Variants in SAMTOR observed in about 807,000 individuals in gnomAD.
SAMTOR encodes UPF0532 protein C7orf60.
At chr7:112,888,873 T>C in the SAMTOR span, among the ~76,000 whole-genome samples, 1 of 152,120 alleles carries the variant, frequency 6.6e-6, no homozygotes, top group Admixed American at 6.6e-5. Flanking sequence ...AAGTGGTATG[T>C]GAGGTATGTA....
At chr7:112,849,455 G>A in the SAMTOR span, among the ~76,000 whole-genome samples, 77 of 152,260 alleles carry the variant, frequency 5.1e-4, no homozygotes, top group African/African-American at 1.7e-3. Context: ...CATGAAATGA[G>A]GGGGTAGAAG....
the SAMTOR span, chr7:112,935,040 C>T: frequency 1.2e-5 from 3 of 243,024 alleles, no homozygotes; most frequent in South Asian, 9.2e-5. Flanking sequence ...TTCAAACTCT[C>T]CTAGTGCAAA....
chr7:112,856,058 C>T, the SAMTOR span, among the ~76,000 whole-genome samples: 8 of 151,872 alleles, frequency 5.3e-5, no homozygotes, highest in Admixed American at 4.6e-4. Flanking sequence ...TAATAAAAAC[C>T]CAGAACTTTA....
the SAMTOR span, among the ~76,000 whole-genome samples, chr7:112,830,218 C>A: frequency 6.6e-6 from 1 of 152,090 alleles, no homozygotes; most frequent in African/African-American, 2.4e-5. Flanking sequence ...TTTTCCATCT[C>A]TCAGAGATTA....
At chr7:112,917,848 G>T in the SAMTOR span, among the ~76,000 whole-genome samples, 1 of 152,146 alleles carries the variant, frequency 6.6e-6, no homozygotes, top group Non-Finnish European at 1.5e-5. Context: ...AAGGGTATCA[G>T]TGATGGAAGA....
chr7:112,921,288 C>T, the SAMTOR span, among the ~76,000 whole-genome samples: 4 of 151,992 alleles, frequency 2.6e-5, no homozygotes, highest in Admixed American at 6.6e-5. Context: ...TCAGAAATAA[C>T]GCCGCATATC....
the SAMTOR span, among the ~76,000 whole-genome samples, chr7:112,882,765 TTA>T: frequency 2.3e-4 from 10 of 43,720 alleles, no homozygotes; most frequent in South Asian, 2.7e-3. Flanking sequence ...ACATCTTTTT[TTA>T]AAAAAAAAAA....
chr7:112,939,562 C>G, the SAMTOR span: 3 of 1,613,692 alleles, frequency 1.9e-6, no homozygotes, highest in African/African-American at 1.3e-5. Flanking sequence ...GAGGCCTCCC[C>G]TTCCTCCCTC....
chr7:112,832,719 G>A, the SAMTOR span: 4 of 1,216,112 alleles, frequency 3.3e-6, no homozygotes, highest in East Asian at 4.7e-5. Flanking sequence ...ATATGAGAAT[G>A]TAAGAAATCA....
the SAMTOR span, among the ~76,000 whole-genome samples, chr7:112,877,089 A>G: frequency 6.6e-6 from 1 of 152,322 alleles, no homozygotes; most frequent in African/African-American, 2.4e-5. Flanking sequence ...GGTGCAAAAG[A>G]GGAAGAAACA....
the SAMTOR span, among the ~76,000 whole-genome samples, chr7:112,932,533 T>G: frequency 1.3e-5 from 2 of 152,214 alleles, no homozygotes; most frequent in Non-Finnish European, 2.9e-5. Flanking sequence ...ATTAGCTTCT[T>G]CTGTGCGTGT....
chr7:112,862,158 G>A, the SAMTOR span, among the ~76,000 whole-genome samples: 1 of 152,220 alleles, frequency 6.6e-6, no homozygotes, highest in Non-Finnish European at 1.5e-5. Flanking sequence ...GGGAGGCTGA[G>A]GCAGGAGAAT....
At chr7:112,839,101 T>C in the SAMTOR span, among the ~76,000 whole-genome samples, 1 of 151,874 alleles carries the variant, frequency 6.6e-6, no homozygotes, top group Non-Finnish European at 1.5e-5. Context: ...AAGTACATGG[T>C]TAAGCCTCGA....
the SAMTOR span, among the ~76,000 whole-genome samples, chr7:112,828,360 C>T: frequency 6.6e-6 from 1 of 152,240 alleles, no homozygotes; most frequent in South Asian, 2.1e-4. Flanking sequence ...TGCCTTGCCT[C>T]TAGTGGTTTG....
chr7:112,876,833 A>G, the SAMTOR span, among the ~76,000 whole-genome samples: 5 of 152,304 alleles, frequency 3.3e-5, no homozygotes, highest in Admixed American at 3.3e-4. Context: ...AATACAATGT[A>G]TTTATGTACT....
chr7:112,932,731 A>T, the SAMTOR span, among the ~76,000 whole-genome samples: 243 of 152,262 alleles, frequency 1.6e-3, 2 homozygotes, highest in East Asian at 0.041. Context: ...AGGGGCACTT[A>T]CTTATGTAGG....
At chr7:112,917,158 T>TGCCTGAC in the SAMTOR span, among the ~76,000 whole-genome samples, 3 of 152,132 alleles carry the variant, frequency 2.0e-5, no homozygotes, top group African/African-American at 7.2e-5. Context: ...CTCAAGTGGG[T>TGCCTGAC]CCCTGACCCC....
the SAMTOR span, chr7:112,821,928 T>C: frequency 1.9e-6 from 3 of 1,613,028 alleles, no homozygotes; most frequent in South Asian, 1.1e-5. Context: ...TTCTATACTG[T>C]TGAAATCTTG....
the SAMTOR span, among the ~76,000 whole-genome samples, chr7:112,908,277 A>G: frequency 6.6e-6 from 1 of 152,144 alleles, no homozygotes; most frequent in Non-Finnish European, 1.5e-5. Flanking sequence ...TAGAACAAAA[A>G]AGCTGACTCT....
Sources: gnomAD v4.1 joint callset for allele counts (sites outside exome capture counted in the v4.1 genomes callset) on GRCh38, gnomAD v4.1.1 for gene constraint, MANE v1.5 for transcripts, NCBI Gene and HGNC (gene_info 2026-07-23, HGNC 2026-07-21) for gene names.